Variants in MYRFL observed in about 807,000 individuals in gnomAD.
The protein encoded by MYRFL is myelin regulatory factor like.
MYRFL carries 88 observed loss-of-function variants against 109.4 expected under a neutral mutation model. The ratio of observed to expected loss-of-function variants is 0.80; its 90% confidence interval spans 0.68 to 0.96. The LOEUF (loss-of-function observed/expected upper bound fraction) is 0.96, where lower values mean the gene tolerates loss of function less well. Among genes scored for constraint, MYRFL ranks in the 40% least tolerant of loss-of-function variants. The probability of loss-of-function intolerance (pLI) is 0.00; values close to 1 mark genes in which losing one functional copy is unlikely to be tolerated. For missense variants in MYRFL, 957 were observed against 954.9 expected (o/e 1.00, Z -0.03); for synonymous variants, 324 against 320.9 (o/e 1.01, Z -0.10).
At chr12:69,892,155 A>T (rs1886954332) in intron 7 of MYRFL, among the ~76,000 whole-genome samples, 1 of 152,122 alleles carries the variant, frequency 6.6e-6, no homozygotes, top group African/African-American at 2.4e-5. Flanking sequence ...TCATCAAATT[A>T]TCAAAGAGAT....
At chr12:69,938,574 A>C (rs1483231339) in intron 19 of MYRFL, among the ~76,000 whole-genome samples, 1 of 152,124 alleles carries the variant, frequency 6.6e-6, no homozygotes, top group Non-Finnish European at 1.5e-5. Flanking sequence ...TTGCCTGGTG[A>C]TGTCTTGATG....
At position 69,952,097 on chromosome 12, in the gene MYRFL, C is replaced by T; in HGVS notation, c.2225-16C>T. The T allele has an allele frequency of 6.5e-7, 1 of 1,535,822 alleles. No individual in the cohort carries two copies. Among genetic ancestry groups the T allele is most frequent in the Non-Finnish European group, 8.7e-7 (1 of 1,146,618 alleles). On this transcript the variant is annotated splice_polypyrimidine_tract_variant and intron_variant, in intron 19 of 24. Transcript: ENST00000552032. ...TGAACAAGCCTTCAAGATTGACAGA[C>T]TTGTTTCCTTTTCAGAAGACAAAAG...
At chr12:69,937,313 T>C (rs978040006) in intron 19 of MYRFL, among the ~76,000 whole-genome samples, 3 of 152,064 alleles carry the variant, frequency 2.0e-5, no homozygotes, top group Admixed American at 1.3e-4. Flanking sequence ...TATTAATAAA[T>C]AGTAATATTA....
At chr12:69,903,925 T>A (rs1954272741) in intron 11 of MYRFL, 81 bp downstream of exon 11, 2 of 1,260,476 alleles carry the variant, frequency 1.6e-6, no homozygotes, top group Non-Finnish European at 2.1e-6. Context: ...CTGACACACC[T>A]TGAACCGCAC....
At chr12:69,891,470 A>T (rs1168772314) in intron 7 of MYRFL, among the ~76,000 whole-genome samples, 4 of 152,194 alleles carry the variant, frequency 2.6e-5, no homozygotes, top group Non-Finnish European at 5.9e-5. Flanking sequence ...CTCCATGTGA[A>T]CTGCTCTATG....
intron 21 of MYRFL, among the ~76,000 whole-genome samples, chr12:69,954,256 G>A (rs908818232): frequency 2.0e-5 from 3 of 152,174 alleles, no homozygotes; most frequent in South Asian, 2.1e-4. Context: ...ATAAGATGGG[G>A]ATACTTTCAA....
At chr12:69,860,296 T>C (rs10784792) in intron 2 of MYRFL, among the ~76,000 whole-genome samples, 150,137 of 152,248 alleles carry the variant, frequency 0.99, 74,068 homozygotes, top group Middle Eastern at 1. Flanking sequence ...CTTTTTATGG[T>C]TTTATAGTAT....
intron 1 of MYRFL, among the ~76,000 whole-genome samples, chr12:69,838,604 GTTGT>G (rs991606154): frequency 8.6e-5 from 13 of 151,986 alleles, no homozygotes; most frequent in African/African-American, 2.9e-4. Flanking sequence ...TTTCTTTTTG[GTTGT>G]TTTATTTATT....
intron 1 of MYRFL, among the ~76,000 whole-genome samples, chr12:69,849,609 T>C (rs1199321434): frequency 6.6e-6 from 1 of 152,238 alleles, no homozygotes; most frequent in African/African-American, 2.4e-5. Context: ...CTTGATGTCA[T>C]TGGAACCTTG....
At chr12:69,875,276 T>C (rs575670782) in intron 2 of MYRFL, among the ~76,000 whole-genome samples, 8 of 152,112 alleles carry the variant, frequency 5.3e-5, no homozygotes, top group African/African-American at 1.4e-4. Flanking sequence ...CATCTAATAA[T>C]TTTTTTAAAT....
At chr12:69,952,989 T>C (rs1956017523) in intron 21 of MYRFL, 103 bp downstream of exon 21, 4 of 711,048 alleles carry the variant, frequency 5.6e-6, no homozygotes, top group Non-Finnish European at 9.1e-6. Flanking sequence ...ATAAAATCAA[T>C]GTGTGCTTAC....
intron 19 of MYRFL, 150 bp downstream of exon 19, chr12:69,936,782 C>A: frequency 1.5e-6 from 1 of 674,688 alleles, no homozygotes; most frequent in Non-Finnish European, 2.3e-6. Flanking sequence ...AAATACACAA[C>A]TGCCAATCAT....
intron 1 of MYRFL, among the ~76,000 whole-genome samples, chr12:69,832,912 T>C (rs932958596): frequency 6.6e-6 from 1 of 151,102 alleles, no homozygotes; most frequent in Non-Finnish European, 1.5e-5. Context: ...GGTAGTACAA[T>C]GTACTTAGAT....
At chr12:69,935,191 T>TTG (rs1955407766) in intron 16 of MYRFL, among the ~76,000 whole-genome samples, 1 of 119,642 alleles carries the variant, frequency 8.4e-6, no homozygotes, top group African/African-American at 2.8e-5. Flanking sequence ...TATGGCACAG[T>TTG]TTTTTTTTGT....
intron 2 of MYRFL, among the ~76,000 whole-genome samples, chr12:69,868,689 A>G (rs953113930): frequency 6.6e-6 from 1 of 152,200 alleles, no homozygotes; most frequent in African/African-American, 2.4e-5. Context: ...TTGGGCAACC[A>G]TACTCATTGA....
At chr12:69,957,593 C>G (rs1227377127) in intron 22 of MYRFL, among the ~76,000 whole-genome samples, 2 of 152,052 alleles carry the variant, frequency 1.3e-5, no homozygotes, top group African/African-American at 2.4e-5. Context: ...AAAAAGAAAC[C>G]ATCATATACT....
At chr12:69,853,720 G>A (rs113913489) in intron 1 of MYRFL, among the ~76,000 whole-genome samples, 3,886 of 146,812 alleles carry the variant, frequency 0.026, 102 homozygotes, top group African/African-American at 0.072. Flanking sequence ...GGAGGCAGCC[G>A]GGAAGAGGCG....
chr12:69,936,135 T>G lies in MYRFL; in HGVS notation c.1939T>G (p.Tyr647Asp). 2 of 1,090,480 alleles carry G rather than the reference T, an allele frequency of 1.8e-6. No homozygotes were observed. The highest frequency in any genetic ancestry group is 1.3e-5 in the South Asian group (1 of 75,412). 67.6% of individuals were successfully genotyped at this position (1,090,480 alleles called of 1,614,324 possible). A position where few individuals can be genotyped will look rare whatever the true frequency, so the allele number is the denominator to read the frequency against. The change falls in exon 17 of 25, where the codon TAT becomes GAT. Residue 647 changes from tyrosine (Y) to aspartate (D), a missense_variant. By Grantham distance (160) the Tyr-to-Asp change is radical. Transcript: ENST00000552032. ...AFCALTIVAL[Y>D]ILSLKDQDRR... ...CAGTGCTTTGACGATAGTTGCCCTC[T>G]ATATACTTAGCTTAAAAGATCAAGA...
In MYRFL at chr12:69,891,119, G is replaced by A; in HGVS notation, c.856G>A (p.Gly286Ser). 6.5e-7 allele frequency: 1 copy of A among 1,532,038 alleles called. No individual in the cohort carries two copies. Among genetic ancestry groups the A allele is most frequent in the Non-Finnish European group, 8.7e-7 (1 of 1,145,514 alleles). 94.9% of individuals were successfully genotyped at this position (1,532,038 alleles called of 1,614,324 possible). A position where few individuals can be genotyped will look rare whatever the true frequency, so the allele number is the denominator to read the frequency against. Residue 286 changes from glycine to serine, a missense_variant, in exon 7 of 25, where the codon GGC becomes AGC. Coordinates refer to ENST00000552032, the MANE Select transcript of MYRFL (RefSeq NM_182530.3). Reference sequence around the variant, plus strand: ...TCCAAAATTTGTTGAAACCGAGATGGGCCTAAAGCCAATAGAAATGTTTTA... The same window carrying A: ...TCCAAAATTTGTTGAAACCGAGATGAGCCTAAAGCCAATAGAAATGTTTTA... ...GSPKFVETEM[G>S]LKPIEMFYLK...
Sources: allele counts gnomAD v4.1 joint callset (sites outside exome capture counted in the v4.1 genomes callset), GRCh38; gene constraint gnomAD v4.1.1; transcripts MANE v1.5; gene names NCBI Gene and HGNC (gene_info 2026-07-23, HGNC 2026-07-21).